PDE1A: variants seen among roughly 807,000 people sequenced by gnomAD.
PDE1A encodes the protein dual specificity calcium/calmodulin-dependent 3',5'-cyclic nucleotide phosphodiesterase 1A.
PDE1A carries 35 observed loss-of-function variants against 61.7 expected under a neutral mutation model. The ratio of observed to expected loss-of-function variants is 0.57; its 90% CI spans 0.43 to 0.75. The LOEUF is 0.75. Ranked by LOEUF, PDE1A falls within the 30% of genes least tolerant of loss-of-function variation. The pLI is 0.00. For synonymous variants in PDE1A, 232 were observed against 213.2 expected (o/e 1.09, Z -0.77); for missense variants, 597 against 630.6 (o/e 0.95, Z 0.57).
At chr2:182,626,838 CATATATAT>C in the PDE1A span, among the ~76,000 whole-genome samples, 1 of 10,030 alleles carries the variant, frequency 1.0e-4, no homozygotes, top group Non-Finnish European at 2.1e-4. Flanking sequence ...TATATATATA[CATATATAT>C]ACATATATAT....
chr2:182,276,114 C>T (rs1340610957), intron 1 of PDE1A, among the ~76,000 whole-genome samples: 3 of 152,002 alleles, frequency 2.0e-5, no homozygotes, highest in Non-Finnish European at 4.4e-5. Context: ...TTCTCCCATC[C>T]TTCCTTCCTT....
chr2:182,496,214 AACTAGGCTACAAAATATTGT>A (rs1444900302), intron 2 of PDE1A, among the ~76,000 whole-genome samples: 19 of 152,218 alleles, frequency 1.2e-4, no homozygotes, highest in Non-Finnish European at 2.4e-4. Flanking sequence ...GATAATATTA[AACTAGGCTACAAAATATTGT>A]ACTAGGCTAC....
intron 2 of PDE1A, among the ~76,000 whole-genome samples, chr2:182,490,299 G>A (rs1224170142): frequency 6.6e-6 from 1 of 152,192 alleles, no homozygotes; most frequent in African/African-American, 2.4e-5. Context: ...CAACCTTTAA[G>A]GAGTTTTACT....
chr2:182,219,961 A>T (rs1348366060), intron 7 of PDE1A, among the ~76,000 whole-genome samples: 2 of 152,148 alleles, frequency 1.3e-5, no homozygotes, highest in African/African-American at 4.8e-5. Context: ...GAAATCTGGC[A>T]TTTTATACAA....
At chr2:182,539,106 C>G in the PDE1A span, among the ~76,000 whole-genome samples, 1 of 152,172 alleles carries the variant, frequency 6.6e-6, no homozygotes, top group African/African-American at 2.4e-5. Context: ...TTTGGTCCAG[C>G]CACACTGGCC....
chr2:182,451,378 C>CAAAAAA lies in PDE1A; in HGVS notation c.101+70892_101+70897dup, dbSNP rs1219608685. Among the ~76,000 whole-genome samples, 25 of 12,296 alleles carry CAAAAAA rather than the reference C, an allele frequency of 2.0e-3. 2 individuals are homozygous for CAAAAAA. The highest frequency in any genetic ancestry group is 7.8e-3 in the African/African-American group (24 of 3,058). The allele number at this position is 12,296 out of a possible 152,430, so 8.1% of individuals were successfully genotyped here. On this transcript the variant is annotated intron_variant, in intron 2 of 14. Transcript: ENST00000410103. ...TGGGCGACAGAGCGAGACTCCGTCT[C>CAAAAAA]AAAAAAAAAAAAAAAAAAAAATATT...
the PDE1A span, among the ~76,000 whole-genome samples, chr2:182,597,953 G>T: frequency 6.6e-6 from 1 of 152,140 alleles, no homozygotes; most frequent in Non-Finnish European, 1.5e-5. Context: ...AAACTTTTCT[G>T]TTCTTTTAGA....
chr2:182,560,462 A>G, the PDE1A span, among the ~76,000 whole-genome samples: 2 of 150,752 alleles, frequency 1.3e-5, no homozygotes, highest in African/African-American at 4.9e-5. Flanking sequence ...CCAGTCTATC[A>G]TTGTTGGACA....
chr2:182,265,662 G>C (rs562896561), intron 1 of PDE1A, among the ~76,000 whole-genome samples: 2 of 152,204 alleles, frequency 1.3e-5, no homozygotes, highest in South Asian at 4.1e-4. Flanking sequence ...AATAAAGTAA[G>C]GTGATACAAA....
chr2:182,231,208 T>C (rs1689551999), intron 4 of PDE1A, 77 bp from the exon 5 acceptor site: 2 of 777,980 alleles, frequency 2.6e-6, no homozygotes, highest in Non-Finnish European at 4.3e-6. Flanking sequence ...AGATAAGGCA[T>C]TGTACATTTA....
the PDE1A span, among the ~76,000 whole-genome samples, chr2:182,706,535 A>G: frequency 2.0e-5 from 3 of 152,158 alleles, no homozygotes; most frequent in Non-Finnish European, 4.4e-5. Context: ...CAAGGTGACC[A>G]AAGTAAACTT....
chr2:182,662,869 A>T, the PDE1A span, among the ~76,000 whole-genome samples: 1 of 152,242 alleles, frequency 6.6e-6, no homozygotes, highest in African/African-American at 2.4e-5. Context: ...ACAGCAAAAT[A>T]AATTATCATC....
chr2:182,531,107 T>A, the PDE1A span, among the ~76,000 whole-genome samples: 1 of 151,548 alleles, frequency 6.6e-6, no homozygotes, highest in African/African-American at 2.4e-5. Context: ...AAAGGAACTA[T>A]CAAAAATAGC....
intron 2 of PDE1A, among the ~76,000 whole-genome samples, chr2:182,436,102 A>T (rs1465719330): frequency 1.3e-5 from 2 of 152,026 alleles, no homozygotes; most frequent in African/African-American, 4.8e-5. Flanking sequence ...ATAGGTTACA[A>T]CACTTATTAC....
intron 2 of PDE1A, among the ~76,000 whole-genome samples, chr2:182,250,364 C>A (rs945129572): frequency 2.6e-5 from 4 of 152,098 alleles, no homozygotes; most frequent in African/African-American, 7.2e-5. Context: ...CTTTGAAGTA[C>A]AATAAATTAA....
At chr2:182,574,679 A>C in the PDE1A span, among the ~76,000 whole-genome samples, 135,940 of 152,206 alleles carry the variant, frequency 0.89, 60,920 homozygotes, top group East Asian at 1. Flanking sequence ...ATCACAGTCT[A>C]CGTTTTTTTT....
chr2:182,240,270 C>T, exon 3 of PDE1A: 1 of 1,600,140 alleles, frequency 6.2e-7, no homozygotes, highest in Non-Finnish European at 8.5e-7. Context: ...TCACTGAGCT[C>T]ATCTTCAGTA....
At position 182,200,507 on chromosome 2, in the gene PDE1A, G is replaced by A. The variant is rs142158010; in HGVS notation, c.1125+932C>T. ...GTGAAAACATTGACAAGGCAGGATGGTGGTACTCGCTAACTCCACTGGAAA... is the reference window on the plus strand; with the variant it reads ...GTGAAAACATTGACAAGGCAGGATGATGGTACTCGCTAACTCCACTGGAAA... On this transcript the variant is annotated intron_variant, in intron 10 of 13. Coordinates refer to ENST00000351439, the Ensembl canonical transcript of PDE1A. Among the ~76,000 whole-genome samples the A allele has an allele frequency of 6.8e-3, 1,041 of 152,274 alleles. 19 individuals are homozygous for A. Among genetic ancestry groups the A allele is most frequent in the African/African-American group, 0.024 (1,003 of 41,556 alleles).
chr2:182,403,598 C>CAAAATAAAAAA (rs1702134204), intron 1 of PDE1A, among the ~76,000 whole-genome samples: 1 of 77,634 alleles, frequency 1.3e-5, no homozygotes, highest in Admixed American at 1.5e-4. Flanking sequence ...GACTCCGTCT[C>CAAAATAAAAAA]AAAAAAAAAA....
Sources: gnomAD v4.1 joint callset for allele counts (sites outside exome capture counted in the v4.1 genomes callset) on GRCh38, gnomAD v4.1.1 for gene constraint, MANE v1.5 for transcripts, NCBI Gene and HGNC (gene_info 2026-07-23, HGNC 2026-07-21) for gene names.